Variants in ASTN2 observed in about 807,000 individuals in gnomAD.
ASTN2 encodes the protein astrotactin 2, also known as astrotactin-2.
A neutral mutation model predicts 139.8 loss-of-function variants in ASTN2; 54 were observed. The ratio of observed to expected loss-of-function variants is 0.39; its 90% CI spans 0.31 to 0.48. The LOEUF (loss-of-function observed/expected upper bound fraction) is 0.48, where lower values mean the gene tolerates loss of function less well. Among genes scored for constraint, ASTN2 ranks in the 20% least tolerant of loss-of-function variants. The pLI is 0.95. For missense variants in ASTN2, 1,565 were observed against 1,725.1 expected (o/e 0.91, Z 1.64); for synonymous variants, 756 against 719.5 (o/e 1.05, Z -0.81).
At chr9:117,316,048 C>G (rs1210503592) in intron 1 of ASTN2, among the ~76,000 whole-genome samples, 1 of 152,110 alleles carries the variant, frequency 6.6e-6, no homozygotes, top group Non-Finnish European at 1.5e-5. Flanking sequence ...CATATTAAGC[C>G]CATCTTGCAG....
intron 1 of ASTN2, among the ~76,000 whole-genome samples, chr9:117,396,463 A>C (rs138581036): frequency 3.1e-3 from 478 of 152,194 alleles, no homozygotes; most frequent in Non-Finnish European, 4.7e-3. Flanking sequence ...TATGCTCATT[A>C]TATTTCTTAT....
chr9:117,016,571 G>T (rs1837679652), intron 6 of ASTN2, among the ~76,000 whole-genome samples: 1 of 116,058 alleles, frequency 8.6e-6, no homozygotes, highest in African/African-American at 3.3e-5. Flanking sequence ...CAGTCCACTG[G>T]GATTTGGGGT....
intron 19 of ASTN2, among the ~76,000 whole-genome samples, chr9:116,503,058 AAAGG>A (rs376833185): frequency 2.0e-4 from 27 of 133,924 alleles, no homozygotes; most frequent in African/African-American, 4.8e-4. Context: ...GGGAAGGAAG[AAAGG>A]AAGGAAGGAA....
Position 116,939,338 on chromosome 9 carries a change from AATT to A in ASTN2, c.1889+35867_1889+35869del, listed in dbSNP as rs1185666121. Reference sequence around the variant, plus strand: ...ATAATCACTTTTATTATAACAATAAAATTATTGTTTTATTATTTAAATAATTTT... The same window carrying A: ...ATAATCACTTTTATTATAACAATAAAATTGTTTTATTATTTAAATAATTTT... On this transcript the variant is annotated intron_variant, in intron 10 of 22. Coordinates refer to ENST00000313400, the MANE Select transcript of ASTN2 (RefSeq NM_001365068.1). Among the ~76,000 whole-genome samples, 56 of 152,158 alleles carry A rather than the reference AATT, an allele frequency of 3.7e-4. No homozygotes were observed. The South Asian group carries it at 6.2e-3, about 17-fold the overall frequency.
chr9:116,896,075 A>G (rs114251213), intron 10 of ASTN2, among the ~76,000 whole-genome samples: 4,332 of 152,286 alleles, frequency 0.028, 224 homozygotes, highest in African/African-American at 0.099. Context: ...AGAAAATCAC[A>G]TATTATTCAT....
intron 17 of ASTN2, among the ~76,000 whole-genome samples, chr9:116,630,796 C>T (rs923596534): frequency 6.6e-6 from 1 of 152,010 alleles, no homozygotes; most frequent in Non-Finnish European, 1.5e-5. Flanking sequence ...AGAGAAAATA[C>T]TTGTAAATTA....
chr9:116,764,207 G>A (rs146119701), intron 13 of ASTN2, among the ~76,000 whole-genome samples: 161 of 152,290 alleles, frequency 1.1e-3, no homozygotes, highest in African/African-American at 3.7e-3. Flanking sequence ...TGCCTGTGTC[G>A]CTAGCATGCA....
intron 13 of ASTN2, among the ~76,000 whole-genome samples, chr9:116,764,396 T>C (rs1419175083): frequency 6.6e-6 from 1 of 152,148 alleles, no homozygotes; most frequent in Non-Finnish European, 1.5e-5. Flanking sequence ...TGGGGTTGGC[T>C]GAAGTTGTCA....
At chr9:117,301,789 T>A (rs12349105) in intron 1 of ASTN2, among the ~76,000 whole-genome samples, 1,546 of 152,316 alleles carry the variant, frequency 0.01, 65 homozygotes, top group Admixed American at 0.078. Context: ...ATATGAAGCA[T>A]TCTGTCTTAC....
intron 20 of ASTN2, among the ~76,000 whole-genome samples, chr9:116,476,921 C>T (rs1400165779): frequency 3.3e-5 from 5 of 152,186 alleles, no homozygotes; most frequent in Admixed American, 3.3e-4. Context: ...CAGTGCCCTT[C>T]CTGGCTCCCC....
At chr9:116,453,578 T>A (rs1848237901) in intron 20 of ASTN2, among the ~76,000 whole-genome samples, 1 of 100,524 alleles carries the variant, frequency 9.9e-6, no homozygotes, top group African/African-American at 3.9e-5. Context: ...TGGGCAAAAG[T>A]GCGAGACTCC....
intron 10 of ASTN2, among the ~76,000 whole-genome samples, chr9:116,872,869 T>C (rs1288893207): frequency 6.6e-6 from 1 of 151,434 alleles, no homozygotes; most frequent in Non-Finnish European, 1.5e-5. Flanking sequence ...AAGGAGGAGG[T>C]GAGATATGGC....
intron 17 of ASTN2, among the ~76,000 whole-genome samples, chr9:116,650,521 T>C (rs72762088): frequency 1.3e-5 from 2 of 152,210 alleles, no homozygotes; most frequent in Non-Finnish European, 2.9e-5. Context: ...ATGAACCATA[T>C]GAAATTGCCA....
intron 16 of ASTN2, among the ~76,000 whole-genome samples, chr9:116,707,678 A>G (rs1160916310): frequency 6.6e-6 from 1 of 152,144 alleles, no homozygotes; most frequent in Non-Finnish European, 1.5e-5. Flanking sequence ...CAACAACAAA[A>G]CAAGATAAAA....
chr9:117,071,797 C>A (rs1263393500), intron 5 of ASTN2, among the ~76,000 whole-genome samples: 1 of 151,862 alleles, frequency 6.6e-6, no homozygotes, highest in Non-Finnish European at 1.5e-5. Flanking sequence ...TCACCCCTTT[C>A]TTTGACTCGG....
chr9:117,083,359 C>T (rs1404193886), intron 5 of ASTN2, among the ~76,000 whole-genome samples: 1 of 152,152 alleles, frequency 6.6e-6, no homozygotes, highest in Non-Finnish European at 1.5e-5. Flanking sequence ...TCACAAAAAC[C>T]CTGTGAGATA....
At chr9:117,078,264 T>G (rs941960562) in intron 5 of ASTN2, among the ~76,000 whole-genome samples, 3 of 152,204 alleles carry the variant, frequency 2.0e-5, no homozygotes, top group Non-Finnish European at 4.4e-5. Flanking sequence ...GGAAGAAAAT[T>G]TTAAAAAATA....
At chr9:116,999,904 A>G (rs1375069305) in intron 7 of ASTN2, among the ~76,000 whole-genome samples, 1 of 152,138 alleles carries the variant, frequency 6.6e-6, no homozygotes, top group African/African-American at 2.4e-5. Flanking sequence ...CACAAGGACT[A>G]AATAAAAGTT....
chr9:117,123,728 CTG>C (rs1480429264), intron 4 of ASTN2, among the ~76,000 whole-genome samples: 3 of 152,106 alleles, frequency 2.0e-5, no homozygotes, highest in South Asian at 2.1e-4. Context: ...AGCAAAGAGA[CTG>C]TAATTGGGAC....
Sources: allele counts gnomAD v4.1 joint callset (sites outside exome capture counted in the v4.1 genomes callset), GRCh38; gene constraint gnomAD v4.1.1; transcripts MANE v1.5; gene names NCBI Gene and HGNC (gene_info 2026-07-23, HGNC 2026-07-21).